The following ARHGAP31 variants were observed in gnomAD, a reference collection of about 807,000 sequenced individuals.
ARHGAP31 encodes the protein rho GTPase-activating protein 31.
In ARHGAP31, 34 loss-of-function variants were observed where a neutral mutation model predicts 113.9. The observed-to-expected ratio is 0.30, with a 90% CI of 0.23 to 0.40. ARHGAP31 has a LOEUF of 0.40. ARHGAP31 is among the 10% of genes least tolerant of loss of function. ARHGAP31 has a pLI of 1.00. For missense variants in ARHGAP31, 1,548 were observed against 1,767.1 expected, an observed-to-expected ratio of 0.88 and a Z score of 2.22; for synonymous variants, 650 against 684.8, an observed-to-expected ratio of 0.95 and a Z score of 0.79.
intron 3 of ARHGAP31, among the ~76,000 whole-genome samples, chr3:119,372,836 C>T (rs1180511148): frequency 6.6e-6 from 1 of 152,092 alleles, no homozygotes; most frequent in African/African-American, 2.4e-5. Flanking sequence ...TGGGGTGGTA[C>T]AGCTAGTAGG....
chr3:119,342,949 CAA>C (rs111606896), intron 1 of ARHGAP31, among the ~76,000 whole-genome samples: 2 of 138,746 alleles, frequency 1.4e-5, no homozygotes. Flanking sequence ...AACTCTGTCT[CAA>C]AAAAAAAAAA....
intron 1 of ARHGAP31, among the ~76,000 whole-genome samples, chr3:119,337,700 T>C (rs772306546): frequency 1.3e-5 from 2 of 152,218 alleles, no homozygotes; most frequent in Admixed American, 6.5e-5. Flanking sequence ...TACAAACCTT[T>C]AGCTAGACAC....
chr3:119,405,249 G>A lies in ARHGAP31; in HGVS notation c.1645+2852G>A, dbSNP rs192202890. Among the ~76,000 whole-genome samples the A allele has an allele frequency of 4.4e-3, 670 of 152,096 alleles. 3 individuals are homozygous for A. The highest frequency in any genetic ancestry group is 8.1e-3 in the Non-Finnish European group (554 of 68,016). On this transcript the variant is annotated intron_variant, in intron 10 of 11. Transcript: ENST00000264245. ...TCATTAGTTGATTCTATTAGTTAAG[G>A]TACAGGCTAAGCTGCTATAATATAG...
Position 119,390,960 on chromosome 3 carries a change from T to G in ARHGAP31, c.858T>G (p.Thr286=), listed in dbSNP as rs1275297174. The change falls in exon 7 of 12, where the codon ACT becomes ACG. Residue 286 remains threonine, a synonymous_variant. Coordinates refer to ENST00000264245, the MANE Select transcript of ARHGAP31 (RefSeq NM_020754.4). ...CTCCCATGGGCACCCTCTTCCACAC[T>G]GTCCTTGAGTTACCAGACAACAAGT... is the stretch of plus-strand genomic sequence containing the variant. ...IVPPMGTLFH[T]VLELPDNKRK... 1 of 1,614,198 alleles carries G rather than the reference T, an allele frequency of 6.2e-7. No individual in the cohort carries two copies.
intron 1 of ARHGAP31, among the ~76,000 whole-genome samples, chr3:119,323,530 A>T (rs1246721749): frequency 6.6e-6 from 1 of 151,780 alleles, no homozygotes; most frequent in Non-Finnish European, 1.5e-5. Context: ...ATCCAGGAAG[A>T]GGAGAAACCT....
intron 9 of ARHGAP31, among the ~76,000 whole-genome samples, chr3:119,400,621 A>G (rs1412390478): frequency 1.3e-5 from 2 of 152,126 alleles, no homozygotes; most frequent in Non-Finnish European, 2.9e-5. Context: ...ATTTCAACAT[A>G]TAGGTTTTTA....
At chr3:119,379,531 A>G (rs2080377252) in intron 3 of ARHGAP31, among the ~76,000 whole-genome samples, 1 of 152,228 alleles carries the variant, frequency 6.6e-6, no homozygotes, top group African/African-American at 2.4e-5. Context: ...CAACGTAAGA[A>G]AACCATCACC....
intron 1 of ARHGAP31, among the ~76,000 whole-genome samples, chr3:119,329,081 C>T (rs998737640): frequency 6.6e-6 from 1 of 152,282 alleles, no homozygotes; most frequent in Middle Eastern, 3.4e-3. Context: ...ATAGCCATCT[C>T]GTGTACCTTG....
intron 4 of ARHGAP31, among the ~76,000 whole-genome samples, chr3:119,381,759 G>A (rs1159863846): frequency 1.3e-5 from 2 of 152,122 alleles, no homozygotes; most frequent in Non-Finnish European, 2.9e-5. Flanking sequence ...AGGCCCAGGC[G>A]GGCGAGCACG....
chr3:119,339,130 G>A (rs2079985215), intron 1 of ARHGAP31, among the ~76,000 whole-genome samples: 1 of 152,216 alleles, frequency 6.6e-6, no homozygotes, highest in African/African-American at 2.4e-5. Context: ...CAAGACAGCA[G>A]CTTTGGTAGG....
intron 3 of ARHGAP31, among the ~76,000 whole-genome samples, chr3:119,377,155 A>G (rs564306365): frequency 6.6e-6 from 1 of 152,362 alleles, no homozygotes; most frequent in South Asian, 2.1e-4. Flanking sequence ...GGCATCTACT[A>G]CATACATTTG....
At chr3:119,395,781 G>A (rs1374473696) in intron 8 of ARHGAP31, among the ~76,000 whole-genome samples, 2 of 152,192 alleles carry the variant, frequency 1.3e-5, no homozygotes, top group South Asian at 2.1e-4. Context: ...AGCTATGTGC[G>A]AAGGGCAGAA....
chr3:119,331,961 C>T (rs950168138), intron 1 of ARHGAP31, among the ~76,000 whole-genome samples: 3 of 152,178 alleles, frequency 2.0e-5, no homozygotes, highest in African/African-American at 7.2e-5. Flanking sequence ...AGAGTCCTTT[C>T]TACTACTGAG....
rs774009946 is a variant in ARHGAP31, at chr3:119,382,342, G to C, written c.482G>C (p.Ser161Thr). The C allele has an allele frequency of 2.7e-5, 43 of 1,614,066 alleles. 2 individuals are homozygous for C. In the South Asian group the frequency reaches 4.5e-4, roughly 17 times the overall value. Residue 161 changes from serine to threonine, a missense_variant, in exon 5 of 12, where the codon AGC (serine) becomes ACC (threonine). By Grantham distance (58) the Ser-to-Thr change is moderately conservative. Coordinates refer to ENST00000264245, the MANE Select transcript of ARHGAP31 (RefSeq NM_020754.4). ...CTGGCCCATATCGCCTCCTTCAGCA[G>C]CAAGACCAACATGCACGCCCGGAAC... Reference protein sequence around the residue: ...RHLAHIASFSSKTNMHARNLA... With the variant: ...RHLAHIASFSTKTNMHARNLA...
chr3:119,336,691 T>A (rs745642563), intron 1 of ARHGAP31, among the ~76,000 whole-genome samples: 1 of 151,652 alleles, frequency 6.6e-6, no homozygotes, highest in East Asian at 2.0e-4. Context: ...CTATTTAAAG[T>A]ATACAAGTCA....
intron 1 of ARHGAP31, among the ~76,000 whole-genome samples, chr3:119,321,283 A>ATATATATATAG: frequency 6.9e-6 from 1 of 145,854 alleles, no homozygotes; most frequent in Admixed American, 6.9e-5. Context: ...TATATACTAT[A>ATATATATATAG]TATATATATA....
chr3:119,294,614 C>T lies in ARHGAP31; in HGVS notation c.-291C>T, dbSNP rs2079515578. 5 of 553,252 alleles carry T rather than the reference C, an allele frequency of 9.0e-6. No individual in the cohort carries two copies. The South Asian group carries it at 9.6e-5, about 11-fold the overall frequency. 34.3% of individuals were successfully genotyped at this position (553,252 alleles called of 1,614,324 possible). On this transcript the variant is annotated 5_prime_UTR_variant, in exon 1 of 12. Transcript: ENST00000264245. Reference sequence around the variant, plus strand: ...AGACACCGCAGGAGCCTGTGAAAGTCCCTAGGACTCCAAGTGAGGAAGTGA... The same window carrying T: ...AGACACCGCAGGAGCCTGTGAAAGTTCCTAGGACTCCAAGTGAGGAAGTGA...
At chr3:119,354,325 C>A (rs371232144) in intron 1 of ARHGAP31, among the ~76,000 whole-genome samples, 1 of 152,148 alleles carries the variant, frequency 6.6e-6, no homozygotes, top group African/African-American at 2.4e-5. Flanking sequence ...TTTGTAAAAT[C>A]CCATTTCTTT....
At chr3:119,391,589 A>ACCCCCCCCCCCCCCCCCCCCCCCCCCCCC (rs368549202) in intron 7 of ARHGAP31, among the ~76,000 whole-genome samples, 8 of 103,746 alleles carry the variant, frequency 7.7e-5, no homozygotes, top group Non-Finnish European at 8.0e-5. Flanking sequence ...CTGGGTCTCT[A>ACCCCCCCCCCCCCCCCCCCCCCCCCCCCC]CCCCCCCCTC....
Sources: allele counts gnomAD v4.1 joint callset (sites outside exome capture counted in the v4.1 genomes callset), GRCh38; gene constraint gnomAD v4.1.1; transcripts MANE v1.5; gene names NCBI Gene and HGNC (gene_info 2026-07-23, HGNC 2026-07-21).